Variants in HACD1 observed in about 807,000 individuals in gnomAD.
The protein encoded by HACD1 is very-long-chain (3R)-3-hydroxyacyl-CoA dehydratase 1.
In HACD1, 41 loss-of-function variants were observed where a neutral mutation model predicts 32.0. The observed-to-expected ratio is 1.28, with a 90% CI of 1.00 to 1.66. The LOEUF is 1.66. Ranked by LOEUF, HACD1 falls within the 40% of genes most tolerant of loss-of-function variation. The pLI is 0.00. For missense variants in HACD1, 396 were observed against 380.1 expected (o/e 1.04, Z -0.35); for synonymous variants, 142 against 139.0 (o/e 1.02, Z -0.15).
At chr10:17,591,121 G>T (rs1248633618) in intron 6 of HACD1, among the ~76,000 whole-genome samples, 1 of 152,138 alleles carries the variant, frequency 6.6e-6, no homozygotes, top group Admixed American at 6.6e-5. Flanking sequence ...GCCCCACCCA[G>T]CCTCCTCTTC....
At chr10:17,605,371 GA>G (rs781942133) in intron 1 of HACD1, among the ~76,000 whole-genome samples, 1 of 150,780 alleles carries the variant, frequency 6.6e-6, no homozygotes, top group Non-Finnish European at 1.5e-5. Flanking sequence ...CTAAAAATAC[GA>G]AAATTAGCCA....
intron 5 of HACD1, among the ~76,000 whole-genome samples, chr10:17,598,914 G>T (rs12268826): frequency 0.024 from 3,678 of 151,812 alleles, 150 homozygotes; most frequent in African/African-American, 0.085. Context: ...AATTGTGGCT[G>T]CTAGATTGAC....
intron 1 of HACD1, among the ~76,000 whole-genome samples, chr10:17,613,479 G>GAAT (rs1319089099): frequency 6.6e-6 from 1 of 152,050 alleles, no homozygotes; most frequent in Non-Finnish European, 1.5e-5. Flanking sequence ...TCAATCAAGA[G>GAAT]AATACATCAG....
intron 5 of HACD1, among the ~76,000 whole-genome samples, chr10:17,596,717 T>C (rs569449046): frequency 9.9e-5 from 15 of 152,230 alleles, no homozygotes; most frequent in African/African-American, 3.4e-4. Flanking sequence ...AAAGATACAA[T>C]GCTTCTTTGA....
Position 17,589,226 on chromosome 10 carries a change from C to A in HACD1, c.*1138G>T, listed in dbSNP as rs1833899895. 1 of 152,162 alleles carries A rather than the reference C, an allele frequency of 6.6e-6. No individual in the cohort carries two copies. The highest frequency in any genetic ancestry group is 2.4e-5 in the African/African-American group (1 of 41,434). The allele number at this position is 152,162 out of a possible 1,614,324, so 9.4% of individuals were successfully genotyped here. The stretch of plus-strand genomic sequence containing the variant: ...TACAGTATAGAGAAGACTTTCTCAA[C>A]CAAAGTTCTGAGTACAGCATGATCA... On this transcript the variant is annotated 3_prime_UTR_variant, in exon 7 of 7. Transcript: ENST00000361271.
intron 1 of HACD1, among the ~76,000 whole-genome samples, chr10:17,616,692 A>T (rs1349143957): frequency 1.3e-5 from 2 of 151,144 alleles, no homozygotes; most frequent in African/African-American, 2.4e-5. Flanking sequence ...AGGGGCGAAA[A>T]CTCTGCCCAG....
intron 1 of HACD1, among the ~76,000 whole-genome samples, chr10:17,606,467 T>A (rs1834150515): frequency 6.6e-6 from 1 of 152,146 alleles, no homozygotes; most frequent in Admixed American, 6.6e-5. Flanking sequence ...CCCAGGGAAA[T>A]GAGGAGCTAC....
chr10:17,604,446 T>G lies in HACD1; in HGVS notation c.258-399A>C, dbSNP rs532750118. Reference sequence around the variant, plus strand: ...TTGCAGTGAGGCAAGATCACGCCACTGCACTCTAGCCTGGGCGACAGAGCT... The same window carrying G: ...TTGCAGTGAGGCAAGATCACGCCACGGCACTCTAGCCTGGGCGACAGAGCT... On this transcript the variant is annotated intron_variant, in intron 1 of 6. Transcript: ENST00000361271. 1.2e-4 allele frequency among the ~76,000 whole-genome samples: 17 copies of G among 139,158 alleles called. No individual in the cohort carries two copies. In the South Asian group the frequency reaches 2.4e-3, roughly 20 times the overall value. The allele number at this position is 139,158 out of a possible 152,430, so 91.3% of individuals were successfully genotyped here. A position where few individuals can be genotyped will look rare whatever the true frequency, so the allele number is the denominator to read the frequency against.
chr10:17,595,019 C>T lies in HACD1; in HGVS notation c.606-636G>A, dbSNP rs182698538. ...GACTACAGGCGCCCGCCACCACGCC[C>T]GGTTAATTTTTGTATTTTTAGTAGA... is the stretch of plus-strand genomic sequence containing the variant. On this transcript the variant is annotated intron_variant, in intron 5 of 6. Transcript: ENST00000361271. Among the ~76,000 whole-genome samples, 483 of 152,002 alleles carry T rather than the reference C, an allele frequency of 3.2e-3. 3 individuals are homozygous for T. The highest frequency in any genetic ancestry group is 0.011 in the African/African-American group (451 of 41,448).
At chr10:17,605,409 C>T (rs1588990349) in intron 1 of HACD1, among the ~76,000 whole-genome samples, 1 of 151,702 alleles carries the variant, frequency 6.6e-6, no homozygotes, top group East Asian at 1.9e-4. Flanking sequence ...CCTGTAGTCC[C>T]AGCTACTCCG....
chr10:17,594,572 A>G (rs899123149), intron 5 of HACD1, among the ~76,000 whole-genome samples, 189 bp from the exon 6 acceptor site: 11 of 152,114 alleles, frequency 7.2e-5, no homozygotes, highest in South Asian at 2.1e-4. Flanking sequence ...TTTTTTTCCT[A>G]ATACCAGTTT....
chr10:17,615,288 G>GT (rs1433865588), intron 1 of HACD1, among the ~76,000 whole-genome samples: 1 of 152,226 alleles, frequency 6.6e-6, no homozygotes, highest in Non-Finnish European at 1.5e-5. Flanking sequence ...TCTTGGGCAA[G>GT]TATCTGTGCC....
chr10:17,604,662 T>C (rs1370612362), intron 1 of HACD1, among the ~76,000 whole-genome samples: 1 of 152,156 alleles, frequency 6.6e-6, no homozygotes, highest in Non-Finnish European at 1.5e-5. Context: ...TTAAAAAATT[T>C]CTTTTTTTGC....
intron 4 of HACD1, 192 bp downstream of exon 4, chr10:17,603,368 T>G (rs1403637896): frequency 2.1e-5 from 11 of 515,078 alleles, no homozygotes; most frequent in Non-Finnish European, 3.1e-5. Context: ...GATGCCAATA[T>G]TTGGGTTTGT....
At chr10:17,613,770 C>T (rs1337501001) in intron 1 of HACD1, among the ~76,000 whole-genome samples, 8 of 152,148 alleles carry the variant, frequency 5.3e-5, no homozygotes, top group African/African-American at 1.7e-4. Context: ...CCAGGTAAGG[C>T]AGGAGACCCG....
In HACD1 at chr10:17,599,283, T is replaced by C. The variant is rs1834035668; in HGVS notation, c.605+7A>G. ...CAAGGAGAAACTAAACTGCAAGATA[T>C]CGCCACCTGGCCCATTTAATGAAGT... On this transcript the variant is annotated splice_region_variant and intron_variant, in intron 5 of 6. Coordinates refer to ENST00000361271, the MANE Select transcript of HACD1 (RefSeq NM_014241.4). 4.3e-6 allele frequency: 7 copies of C among 1,613,672 alleles called. No individual in the cohort carries two copies. Among genetic ancestry groups the C allele is most frequent in the Non-Finnish European group, 5.9e-6 (7 of 1,179,914 alleles).
At chr10:17,609,149 C>T (rs1469196954) in intron 1 of HACD1, among the ~76,000 whole-genome samples, 2 of 144,724 alleles carry the variant, frequency 1.4e-5, no homozygotes, top group South Asian at 2.2e-4. Context: ...AAAAAATGTG[C>T]AAAAGGTTTT....
intron 1 of HACD1, among the ~76,000 whole-genome samples, chr10:17,612,691 C>A (rs573589278): frequency 7.2e-5 from 11 of 151,938 alleles, no homozygotes; most frequent in Admixed American, 3.3e-4. Context: ...GAGGGCGAGG[C>A]GGGCGGATCA....
At chr10:17,598,311 T>C (rs1834023014) in intron 5 of HACD1, among the ~76,000 whole-genome samples, 1 of 147,900 alleles carries the variant, frequency 6.8e-6, no homozygotes, top group Non-Finnish European at 1.5e-5. Context: ...CAATTAACAG[T>C]GGTTATCCTT....
Sources: allele counts gnomAD v4.1 joint callset (sites outside exome capture counted in the v4.1 genomes callset), GRCh38; gene constraint gnomAD v4.1.1; transcripts MANE v1.5; gene names NCBI Gene and HGNC (gene_info 2026-07-23, HGNC 2026-07-21).